ADGRV1: variants seen among roughly 807,000 people sequenced by gnomAD.
The protein encoded by ADGRV1 is adhesion G protein-coupled receptor V1.
Under a neutral mutation model 596.2 loss-of-function variants are expected in ADGRV1, and 359 were observed. The ratio of observed to expected loss-of-function variants is 0.60; its 90% CI spans 0.55 to 0.66. The LOEUF is 0.66. Ranked by LOEUF, ADGRV1 falls within the 30% of genes least tolerant of loss-of-function variation. ADGRV1 has a pLI of 0.00. For synonymous variants in ADGRV1, 2,681 were observed against 2,679.2 expected, an observed-to-expected ratio of 1.00 and a Z score of -0.02; for missense variants, 7,274 against 7,575.6, an observed-to-expected ratio of 0.96 and a Z score of 1.48.
At chr5:90,661,521 T>C (rs1770289797) in intron 21 of ADGRV1, among the ~76,000 whole-genome samples, 1 of 152,206 alleles carries the variant, frequency 6.6e-6, no homozygotes, top group African/African-American at 2.4e-5. Context: ...TAAAAATTAA[T>C]TGGATTTGTA....
At chr5:90,662,520 C>T (rs1770516059) in intron 21 of ADGRV1, among the ~76,000 whole-genome samples, 1 of 151,994 alleles carries the variant, frequency 6.6e-6, no homozygotes, top group South Asian at 2.1e-4. Flanking sequence ...AAGCAAACCT[C>T]AGGCGTTATG....
intron 15 of ADGRV1, among the ~76,000 whole-genome samples, chr5:90,645,494 T>C (rs1441662934): frequency 6.6e-6 from 1 of 152,192 alleles, no homozygotes; most frequent in Non-Finnish European, 1.5e-5. Flanking sequence ...TCAAATCTTG[T>C]TAGGACATGG....
At chr5:91,043,901 C>T (rs1241473928) in intron 85 of ADGRV1, among the ~76,000 whole-genome samples, 1 of 151,720 alleles carries the variant, frequency 6.6e-6, no homozygotes, top group Non-Finnish European at 1.5e-5. Flanking sequence ...CCTTGACCAC[C>T]ATCCAATATT....
At chr5:91,069,071 G>A (rs1460428100) in intron 85 of ADGRV1, among the ~76,000 whole-genome samples, 3 of 152,052 alleles carry the variant, frequency 2.0e-5, no homozygotes, top group African/African-American at 7.2e-5. Context: ...AATGGTGCTG[G>A]GATAACTGGC....
intron 76 of ADGRV1, among the ~76,000 whole-genome samples, chr5:90,825,478 G>A (rs1763995607): frequency 6.6e-6 from 1 of 152,116 alleles, no homozygotes; most frequent in Non-Finnish European, 1.5e-5. Context: ...AATATGTTTT[G>A]CATACATGAT....
At chr5:91,114,286 G>A (rs887734414) in intron 87 of ADGRV1, among the ~76,000 whole-genome samples, 1 of 151,912 alleles carries the variant, frequency 6.6e-6, no homozygotes, top group African/African-American at 2.4e-5. Flanking sequence ...CAGCACTTTG[G>A]GAAGCTGAGG....
At position 90,712,230 on chromosome 5, in the gene ADGRV1, A is replaced by G. The variant is rs74483176; in HGVS notation, c.9043-57A>G. The G allele has an allele frequency of 0.01, 9,903 of 957,652 alleles. 661 individuals carry two copies. The African/African-American group carries it at 0.14, about 14-fold the overall frequency. The allele number at this position is 957,652 out of a possible 1,614,324, so 59.3% of individuals were successfully genotyped here. On this transcript the variant is annotated intron_variant, in intron 41 of 89. Coordinates refer to ENST00000405460, the MANE Select transcript of ADGRV1 (RefSeq NM_032119.4). ...TATTGTATTTCTTTCCAAACATTCTATAGAAACTCACAGTGTATATAAATA... is the reference window on the plus strand; with the variant it reads ...TATTGTATTTCTTTCCAAACATTCTGTAGAAACTCACAGTGTATATAAATA...
At chr5:91,044,857 A>G (rs894121802) in intron 85 of ADGRV1, among the ~76,000 whole-genome samples, 2 of 152,160 alleles carry the variant, frequency 1.3e-5, no homozygotes, top group Non-Finnish European at 2.9e-5. Context: ...AAAAGTTTAT[A>G]GTCTGTTTAG....
intron 50 of ADGRV1, among the ~76,000 whole-genome samples, chr5:90,739,751 G>C (rs1753720975): frequency 6.6e-6 from 1 of 152,188 alleles, no homozygotes; most frequent in Non-Finnish European, 1.5e-5. Context: ...CTGGGAGGCT[G>C]GGTGAGGTGT....
Position 91,059,558 on chromosome 5 carries a change from G to A in ADGRV1, c.18153-12889G>A, listed in dbSNP as rs150103537. On this transcript the variant is annotated intron_variant, in intron 85 of 89. Coordinates refer to ENST00000405460, the MANE Select transcript of ADGRV1 (RefSeq NM_032119.4). The stretch of plus-strand genomic sequence containing the variant: ...TAGCTCATTAGACGTGTCTAGTTTA[G>A]GGCAGTTCAAATTGGGACTTTTAAA... Among the ~76,000 whole-genome samples, 791 of 152,208 alleles carry A rather than the reference G, an allele frequency of 5.2e-3. 2 individuals are homozygous for A. The highest frequency in any genetic ancestry group is 8.2e-3 in the Non-Finnish European group (559 of 68,004).
chr5:90,656,330 CA>C (rs1488144924), intron 20 of ADGRV1, among the ~76,000 whole-genome samples: 4 of 152,132 alleles, frequency 2.6e-5, no homozygotes, highest in African/African-American at 9.7e-5. Flanking sequence ...ATCACACAGG[CA>C]AGTAACAGAG....
At position 91,031,195 on chromosome 5, in the gene ADGRV1, C is replaced by T. The variant is rs540530813; in HGVS notation, c.18153-41252C>T. 2.2e-5 allele frequency: 33 copies of T among 1,518,966 alleles called. No individual in the cohort carries two copies. In the South Asian group the frequency reaches 2.5e-4, roughly 11 times the overall value. 94.1% of individuals were successfully genotyped at this position (1,518,966 alleles called of 1,614,324 possible). A position where few individuals can be genotyped will look rare whatever the true frequency, so the allele number is the denominator to read the frequency against. On this transcript the variant is annotated intron_variant, in intron 85 of 89. Coordinates refer to ENST00000405460, the MANE Select transcript of ADGRV1 (RefSeq NM_032119.4). Reference sequence around the variant, plus strand: ...CAACCAAAAAGGCAAGAAGAGTAATCGAGATTTCCAGGAGTGTGTCCATGT... The same window carrying T: ...CAACCAAAAAGGCAAGAAGAGTAATTGAGATTTCCAGGAGTGTGTCCATGT...
chr5:90,774,355 T>A, intron 60 of ADGRV1, 52 bp downstream of exon 60: 1 of 1,054,812 alleles, frequency 9.5e-7, no homozygotes, highest in Non-Finnish European at 1.5e-6. Flanking sequence ...TCAGAAAAAA[T>A]GTAATAAAAA....
chr5:90,736,330 T>A (rs1025071357), intron 50 of ADGRV1, among the ~76,000 whole-genome samples: 1 of 152,108 alleles, frequency 6.6e-6, no homozygotes, highest in African/African-American at 2.4e-5. Context: ...TCCCACTTGA[T>A]CATGGTGAAT....
chr5:91,161,207 A>G (rs748477075), intron 89 of ADGRV1, among the ~76,000 whole-genome samples: 3 of 152,142 alleles, frequency 2.0e-5, no homozygotes, highest in Non-Finnish European at 2.9e-5. Context: ...ACCTCCTTAT[A>G]GAATGGCCAC....
Position 91,164,055 on chromosome 5 carries a change from G to C in ADGRV1, c.*155G>C. On this transcript the variant is annotated 3_prime_UTR_variant, in exon 90 of 90. Transcript: ENST00000405460. Reference sequence around the variant, plus strand: ...TGTTGTATTTGGAGTATAAATTACTGATTGTATGTGACCTGAAAATTCACT... The same window carrying C: ...TGTTGTATTTGGAGTATAAATTACTCATTGTATGTGACCTGAAAATTCACT... 1 of 693,794 alleles carries C rather than the reference G, an allele frequency of 1.4e-6. No individual in the cohort carries two copies. Among genetic ancestry groups the C allele is most frequent in the Non-Finnish European group, 2.6e-6 (1 of 380,302 alleles). 43.0% of individuals were successfully genotyped at this position (693,794 alleles called of 1,614,324 possible).
chr5:90,632,628 C>G (rs1363531430), intron 9 of ADGRV1, among the ~76,000 whole-genome samples: 1 of 152,174 alleles, frequency 6.6e-6, no homozygotes, highest in East Asian at 1.9e-4. Flanking sequence ...CTTAGCTACT[C>G]TGCTTCAGCA....
chr5:90,795,086 GTTTTTTT>G (rs35362542), intron 70 of ADGRV1, among the ~76,000 whole-genome samples: 19 of 120,452 alleles, frequency 1.6e-4, no homozygotes, highest in Admixed American at 3.5e-4. Flanking sequence ...AGCTGCAGAA[GTTTTTTT>G]TTTTTTTTTT....
At chr5:91,062,466 C>A (rs895181741) in intron 85 of ADGRV1, among the ~76,000 whole-genome samples, 12 of 152,148 alleles carry the variant, frequency 7.9e-5, no homozygotes, top group Admixed American at 1.3e-4. Context: ...TCCCCCTTTC[C>A]AGAAACTTTG....
Sources: gnomAD v4.1 joint callset for allele counts (sites outside exome capture counted in the v4.1 genomes callset) on GRCh38, gnomAD v4.1.1 for gene constraint, MANE v1.5 for transcripts, NCBI Gene and HGNC (gene_info 2026-07-23, HGNC 2026-07-21) for gene names.